The following DNER variants were observed in gnomAD, a reference collection of about 807,000 sequenced individuals.
DNER encodes the protein delta and Notch-like epidermal growth factor-related receptor.
In DNER, 33 loss-of-function variants were observed where a neutral mutation model predicts 78.2. The observed-to-expected ratio is 0.42, with a 90% CI of 0.32 to 0.56. The LOEUF is 0.56. Ranked by LOEUF, DNER falls within the 20% of genes least tolerant of loss-of-function variation. The pLI is 0.11. For synonymous variants in DNER, 417 were observed against 384.8 expected, an observed-to-expected ratio of 1.08 and a Z score of -0.98; for missense variants, 918 against 975.3, an observed-to-expected ratio of 0.94 and a Z score of 0.78.
chr2:229,591,874 A>G lies in DNER; in HGVS notation c.291T>C (p.Pro97=). The part of the protein sequence containing the change: ...SGANCQLVAD[P]CASNPCHHGN... ...CATGGTGACAAGGGTTGCTGGCACA[A>G]GGATCTGCAACAAGCTGAAACGAGA... Residue 97 remains proline, a synonymous_variant, in exon 2 of 13, where the codon CCT becomes CCC. Transcript: ENST00000341772. The surrounding 1 kb of genome is among the most constrained non-coding windows in gnomAD (Gnocchi z 4.6). The G allele has an allele frequency of 1.9e-6, 3 of 1,588,038 alleles. No homozygotes were observed. Among genetic ancestry groups the G allele is most frequent in the Non-Finnish European group, 2.6e-6 (3 of 1,168,018 alleles).
chr2:229,467,152 GC>G (rs1404290714), intron 7 of DNER, among the ~76,000 whole-genome samples: 1 of 152,172 alleles, frequency 6.6e-6, no homozygotes, highest in Non-Finnish European at 1.5e-5. Context: ...CTAAGGGTAG[GC>G]TATTTGGGAG....
Position 229,567,368 on chromosome 2 carries a change from G to T in DNER, c.847+18490C>A, listed in dbSNP as rs201274779. ...CCAAGCAGGTGCCTAGTGCACAGTA[G>T]GCACTCAGAAAACATTTTGAAAGGG... On this transcript the variant is annotated intron_variant, in intron 4 of 12. Transcript: ENST00000341772. Among the ~76,000 whole-genome samples the T allele has an allele frequency of 6.6e-5, 10 of 152,244 alleles. No homozygotes were observed. The East Asian group carries it at 1.9e-3, about 29-fold the overall frequency.
intron 1 of DNER, among the ~76,000 whole-genome samples, chr2:229,598,359 A>G (rs768387232): frequency 4.6e-5 from 7 of 152,242 alleles, no homozygotes; most frequent in African/African-American, 7.2e-5. Flanking sequence ...GCAAGGCAGG[A>G]TGCCTATAAT....
At chr2:229,531,687 G>A (rs1211655727) in intron 5 of DNER, among the ~76,000 whole-genome samples, 1 of 152,106 alleles carries the variant, frequency 6.6e-6, no homozygotes, top group Non-Finnish European at 1.5e-5. Context: ...TGAAAACAAG[G>A]ACTTAAACAA....
At chr2:229,425,193 T>A (rs1693846705) in intron 8 of DNER, among the ~76,000 whole-genome samples, 1 of 152,094 alleles carries the variant, frequency 6.6e-6, no homozygotes, top group South Asian at 2.1e-4. Flanking sequence ...AAACAGGCCC[T>A]GGGTATATCT....
At chr2:229,453,270 C>G (rs1694498557) in intron 7 of DNER, among the ~76,000 whole-genome samples, 1 of 152,184 alleles carries the variant, frequency 6.6e-6, no homozygotes, top group Admixed American at 6.5e-5. Context: ...AATGTAATTT[C>G]CAGGTTTTCA....
At chr2:229,449,375 C>T (rs1694405044) in intron 7 of DNER, among the ~76,000 whole-genome samples, 1 of 152,098 alleles carries the variant, frequency 6.6e-6, no homozygotes, top group African/African-American at 2.4e-5. Flanking sequence ...TAATTTTTAT[C>T]TGTCTAGAAA....
At chr2:229,395,244 G>A (rs907644102) in intron 10 of DNER, among the ~76,000 whole-genome samples, 17 of 152,162 alleles carry the variant, frequency 1.1e-4, no homozygotes, top group African/African-American at 3.9e-4. Flanking sequence ...GCACTTGGCC[G>A]AAAATGATTA....
chr2:229,529,307 C>T (rs558257125), intron 5 of DNER, among the ~76,000 whole-genome samples: 3 of 152,172 alleles, frequency 2.0e-5, no homozygotes, highest in East Asian at 1.9e-4. Context: ...GATAAGTGAG[C>T]GGATACTGCA....
intron 4 of DNER, among the ~76,000 whole-genome samples, chr2:229,551,715 C>G (rs1696740925): frequency 1.3e-5 from 2 of 151,234 alleles, no homozygotes; most frequent in South Asian, 4.2e-4. Context: ...GGGCAGATCA[C>G]GAGGTCAGGA....
intron 6 of DNER, among the ~76,000 whole-genome samples, chr2:229,491,323 C>T (rs557105454): frequency 5.3e-5 from 8 of 152,150 alleles, no homozygotes; most frequent in Non-Finnish European, 1.0e-4. Flanking sequence ...ACGGCACCTT[C>T]GAGATGCCCT....
chr2:229,682,238 GC>G (rs1381811921), intron 1 of DNER, among the ~76,000 whole-genome samples: 1 of 152,278 alleles, frequency 6.6e-6, no homozygotes, highest in East Asian at 1.9e-4. Flanking sequence ...ATAAAATTCA[GC>G]AGACGATAGG....
Position 229,460,018 on chromosome 2 carries a change from G to A in DNER, c.1262-12478C>T, listed in dbSNP as rs780128487. On this transcript the variant is annotated intron_variant, in intron 7 of 12. Transcript: ENST00000341772. Reference sequence around the variant, plus strand: ...TAAACATACAAAAAATTAGCTGGGCGTGGTGGGGGGTGCCTGTAGTCCCAA... The same window carrying A: ...TAAACATACAAAAAATTAGCTGGGCATGGTGGGGGGTGCCTGTAGTCCCAA... Among the ~76,000 whole-genome samples the A allele has an allele frequency of 5.3e-5, 8 of 151,652 alleles. No homozygotes were observed. The South Asian group carries it at 8.3e-4, about 16-fold the overall frequency.
At chr2:229,587,504 A>C (rs971732209) in intron 3 of DNER, among the ~76,000 whole-genome samples, 1 of 152,130 alleles carries the variant, frequency 6.6e-6, no homozygotes, top group African/African-American at 2.4e-5. Context: ...AGCCAGGTAG[A>C]CAAAAATGGC....
chr2:229,705,135 C>T (rs572662864), intron 1 of DNER, among the ~76,000 whole-genome samples: 8 of 152,274 alleles, frequency 5.3e-5, no homozygotes, highest in Admixed American at 3.3e-4. Context: ...TCGCTTCAGT[C>T]GTCTCATGGA....
At position 229,581,986 on chromosome 2, in the gene DNER, G is replaced by A. The variant is rs60463964; in HGVS notation, c.847+3872C>T. Among the ~76,000 whole-genome samples the A allele has an allele frequency of 3.8e-3, 586 of 152,258 alleles. 23 individuals are homozygous for A. The East Asian group carries it at 0.097, about 25-fold the overall frequency. ...GGGAAGCAGGAGACAGTCAATTCCT[G>A]AAAGTGCCTCAGCTTCTCTCTAAAA... On this transcript the variant is annotated intron_variant, in intron 4 of 12. Transcript: ENST00000341772.
intron 4 of DNER, among the ~76,000 whole-genome samples, chr2:229,547,363 C>T (rs899900802): frequency 6.6e-6 from 1 of 152,210 alleles, no homozygotes; most frequent in African/African-American, 2.4e-5. Context: ...TGAGCAACCA[C>T]CTCAGATCCT....
At chr2:229,594,952 TAAAAAAAAAAAAAAAAAAAA>T (rs200824543) in intron 1 of DNER, among the ~76,000 whole-genome samples, 3 of 102,688 alleles carry the variant, frequency 2.9e-5, no homozygotes, top group East Asian at 3.0e-4. Context: ...AAATGCTGTT[TAAAAAAAAAAAAAAAAAAAA>T]AAAAAAAAAA....
chr2:229,616,527 TAC>T (rs898709575), intron 1 of DNER, among the ~76,000 whole-genome samples: 1 of 152,176 alleles, frequency 6.6e-6, no homozygotes, highest in African/African-American at 2.4e-5. Flanking sequence ...TCCCTGAGAA[TAC>T]ACCCACAGAC....
Sources: gnomAD v4.1 joint callset for allele counts (sites outside exome capture counted in the v4.1 genomes callset) on GRCh38, gnomAD v4.1.1 for gene constraint, Gnocchi (gnomAD v3.1) non-coding constraint, MANE v1.5 for transcripts, NCBI Gene and HGNC (gene_info 2026-07-23, HGNC 2026-07-21) for gene names.